Variants in TP73 observed in about 807,000 individuals in gnomAD.
The protein encoded by TP73 is p53-like transcription factor.
In TP73, 25 loss-of-function variants were observed where a neutral mutation model predicts 62.5. That is an observed-to-expected ratio of 0.40 (90% CI 0.29 to 0.56). The LOEUF (loss-of-function observed/expected upper bound fraction) is 0.56. TP73 is among the 20% of genes least tolerant of loss of function. TP73 has a pLI of 0.46. For missense variants in TP73, 754 were observed against 913.3 expected, an observed-to-expected ratio of 0.83 and a Z score of 2.25; for synonymous variants, 423 against 377.5, an observed-to-expected ratio of 1.12 and a Z score of -1.40.
rs1034288895 is a variant in TP73 at position 3,662,554 on chromosome 1, G to T, written c.-34+9913G>T. On this transcript the variant is annotated intron_variant, in intron 1 of 13. Coordinates refer to ENST00000378295, the MANE Select transcript of TP73 (RefSeq NM_005427.4). The surrounding 1 kb of genome is among the most constrained non-coding windows in gnomAD (Gnocchi z 4.4). ...GGAGCCGCTCTCCTCCCGGCATAGA[G>T]ACCTTTACGAATGGAAATGTCTTTC... is the stretch of plus-strand genomic sequence containing the variant. 6.6e-6 allele frequency among the ~76,000 whole-genome samples: 1 copy of T among 152,236 alleles called. No individual in the cohort carries two copies. Among genetic ancestry groups the T allele is most frequent in the Non-Finnish European group, 1.5e-5 (1 of 68,038 alleles).
rs995148620 is a variant in TP73, at chr1:3,699,773, G to A, written c.187-7776G>A. 1.3e-5 allele frequency among the ~76,000 whole-genome samples: 2 copies of A among 152,182 alleles called. No individual in the cohort carries two copies. The highest frequency in any genetic ancestry group is 2.4e-5 in the African/African-American group (1 of 41,444). On this transcript the variant is annotated intron_variant, in intron 3 of 13. Transcript: ENST00000378295. The surrounding 1 kb of genome is among the most constrained non-coding windows in gnomAD (Gnocchi z 4.1). Reference sequence around the variant, plus strand: ...GAGCTGGAGAGGTGACAGGAGCGAGGGAGGCGGAGGTGGAGCTGGGGAGGG... The same window carrying A: ...GAGCTGGAGAGGTGACAGGAGCGAGAGAGGCGGAGGTGGAGCTGGGGAGGG...
intron 6 of TP73, among the ~76,000 whole-genome samples, chr1:3,726,861 GATGGA>G: frequency 7.3e-6 from 1 of 137,476 alleles, no homozygotes; most frequent in African/African-American, 2.6e-5. Flanking sequence ...GGGGTTGGTG[GATGGA>G]TGGATGGATG....
rs1249893285 is a variant in TP73, at chr1:3,670,140, T to C, written c.-33-12193T>C. 6.6e-6 allele frequency among the ~76,000 whole-genome samples: 1 copy of C among 151,982 alleles called. No homozygotes were observed. Among genetic ancestry groups the C allele is most frequent in the Non-Finnish European group, 1.5e-5 (1 of 68,000 alleles). On this transcript the variant is annotated intron_variant, in intron 1 of 13. Transcript: ENST00000378295. The surrounding 1 kb of genome is among the most constrained non-coding windows in gnomAD (Gnocchi z 5.9). The stretch of plus-strand genomic sequence containing the variant: ...CTCTTCCTGGCTTGCTGTGTCGCTC[T>C]GGGTGCGTTTTACACCACTCTGAGG...
At chr1:3,718,656 G>A (rs1434008258) in intron 4 of TP73, among the ~76,000 whole-genome samples, 1 of 152,154 alleles carries the variant, frequency 6.6e-6, no homozygotes, top group African/African-American at 2.4e-5. Flanking sequence ...CGGGGCCTCT[G>A]CCCGCAGGCT....
rs1570495907 is a variant in TP73, at chr1:3,698,031, C to G, written c.187-9518C>G. 5.1e-6 allele frequency: 5 copies of G among 976,422 alleles called. No homozygotes were observed. In the South Asian group the frequency reaches 2.4e-4, roughly 46 times the overall value. The allele number at this position is 976,422 out of a possible 1,614,324, so 60.5% of individuals were successfully genotyped here. The stretch of plus-strand genomic sequence containing the variant: ...CAAGTTCTCGGCTCAGCCACCCATT[C>G]TCGGCTCAGCCACTAATGTGTGCTG... On this transcript the variant is annotated intron_variant, in intron 3 of 13. Transcript: ENST00000378295.
intron 3 of TP73, 30 bp from the exon 4 acceptor site, chr1:3,707,519 C>A (rs781610313): frequency 3.1e-6 from 5 of 1,589,898 alleles, no homozygotes; most frequent in Non-Finnish European, 4.3e-6. Context: ...GTGTGTGTTT[C>A]CCCCTCCCTC....
intron 1 of TP73, among the ~76,000 whole-genome samples, chr1:3,657,754 C>T (rs1291459673): frequency 3.3e-5 from 5 of 152,114 alleles, no homozygotes; most frequent in Non-Finnish European, 5.9e-5. Flanking sequence ...TGGGCACAGC[C>T]GGGGATGGGC....
chr1:3,721,154 G>A (rs570056133), intron 4 of TP73, among the ~76,000 whole-genome samples: 11 of 152,236 alleles, frequency 7.2e-5, no homozygotes, highest in Non-Finnish European at 1.5e-4. Context: ...CCTCAGCGGG[G>A]TCACTTTTAG....
At chr1:3,731,104 C>T (rs188842181) in intron 12 of TP73, 39 bp downstream of exon 12, 1 of 1,595,524 alleles carries the variant, frequency 6.3e-7, no homozygotes, top group South Asian at 1.1e-5. Context: ...GTGCTGTCAC[C>T]CTGTCTGTTC....
chr1:3,697,988 A>G (rs1638821014), intron 3 of TP73: 1 of 689,750 alleles, frequency 1.4e-6, no homozygotes, highest in African/African-American at 1.9e-5. Flanking sequence ...TGTACCCTGC[A>G]CTGCACGTGT....
At position 3,731,077 on chromosome 1, in the gene TP73, GC is replaced by G. The variant is rs1642103682; in HGVS notation, c.1484+14del. The G allele has an allele frequency of 1.2e-6, 2 of 1,608,340 alleles. No homozygotes were observed. Among genetic ancestry groups the G allele is most frequent in the South Asian group, 2.2e-5 (2 of 90,776 alleles). On this transcript the variant is annotated intron_variant, in intron 12 of 13. Transcript: ENST00000378295. Reference sequence around the variant, plus strand: ...CCCAGCCTCGTCAGGTGCGTGGGCTGCCGAGGGCCTGAGCATGTGCTGTCAC... The same window carrying G: ...CCCAGCCTCGTCAGGTGCGTGGGCTGCGAGGGCCTGAGCATGTGCTGTCAC...
At position 3,666,679 on chromosome 1, in the gene TP73, G is replaced by GT. The variant is rs1233380338; in HGVS notation, c.-34+14039dup. Among the ~76,000 whole-genome samples, 12 of 152,126 alleles carry GT rather than the reference G, an allele frequency of 7.9e-5. No homozygotes were observed. Among genetic ancestry groups the GT allele is most frequent in the Non-Finnish European group, 1.2e-4 (8 of 68,026 alleles). On this transcript the variant is annotated intron_variant, in intron 1 of 13. Coordinates refer to ENST00000378295, the MANE Select transcript of TP73 (RefSeq NM_005427.4). This position sits in a 1 kb window ranked among gnomAD's most constrained non-coding sequence, Gnocchi z 6.4. ...TTGACCTCAAAGAGGCCTGTCCTGT[G>GT]TGTCTCACTGAGCAGGAACAAACCG...
chr1:3,705,913 C>T lies in TP73; in HGVS notation c.187-1636C>T, dbSNP rs74819158. Among the ~76,000 whole-genome samples the T allele has an allele frequency of 3.3e-3, 509 of 152,340 alleles. 20 individuals carry two copies. In the East Asian group the frequency reaches 0.066, roughly 20 times the overall value. ...AGCCGAGGGCCTCTGGGTCACTAAA[C>T]CCAACCACCTCTGATGGAGAAGGCT... On this transcript the variant is annotated intron_variant, in intron 3 of 13. Coordinates refer to ENST00000378295, the MANE Select transcript of TP73 (RefSeq NM_005427.4).
In TP73 at chr1:3,696,600, G is replaced by A. The variant is rs1448756238; in HGVS notation, c.187-10949G>A. On this transcript the variant is annotated intron_variant, in intron 3 of 13. Transcript: ENST00000378295. This position sits in a 1 kb window ranked among gnomAD's most constrained non-coding sequence, Gnocchi z 4.1. ...GGGAGGCCAGGAGGCACGAGAGGCT[G>A]GCTGGGAGAACAGAAAAGGGACTGG... 6.6e-6 allele frequency among the ~76,000 whole-genome samples: 1 copy of A among 151,866 alleles called. No homozygotes were observed. Among genetic ancestry groups the A allele is most frequent in the African/African-American group, 2.4e-5 (1 of 41,294 alleles).
intron 1 of TP73, among the ~76,000 whole-genome samples, chr1:3,681,864 A>T (rs553846358): frequency 9.2e-6 from 1 of 108,982 alleles, no homozygotes; most frequent in Admixed American, 1.0e-4. Flanking sequence ...GTAACAGACC[A>T]CAGGCCTCAC....
chr1:3,681,274 CTGTCCCAT>C (rs1280336001), intron 1 of TP73, among the ~76,000 whole-genome samples: 1 of 152,214 alleles, frequency 6.6e-6, no homozygotes, highest in African/African-American at 2.4e-5. Flanking sequence ...GTGGCCAAGC[CTGTCCCAT>C]AGCACCTCAC....
chr1:3,705,677 G>A (rs554356163), intron 3 of TP73, among the ~76,000 whole-genome samples: 2 of 152,380 alleles, frequency 1.3e-5, no homozygotes, highest in East Asian at 3.9e-4. Context: ...GATGGCTCTG[G>A]TGAGCAGCAG....
At chr1:3,698,344 G>A (rs1033984428) in intron 3 of TP73, among the ~76,000 whole-genome samples, 1 of 152,222 alleles carries the variant, frequency 6.6e-6, no homozygotes, top group African/African-American at 2.4e-5. Context: ...GGACCAGCCC[G>A]TTTCCAGGTG....
intron 3 of TP73, among the ~76,000 whole-genome samples, chr1:3,704,172 T>A (rs1461063955): frequency 6.6e-6 from 1 of 152,218 alleles, no homozygotes; most frequent in Non-Finnish European, 1.5e-5. Context: ...CTCCGAGCCG[T>A]GTGTGTAATT....
Sources: allele counts gnomAD v4.1 joint callset (sites outside exome capture counted in the v4.1 genomes callset), GRCh38; gene constraint gnomAD v4.1.1; non-coding constraint Gnocchi (gnomAD v3.1); transcripts MANE v1.5; gene names NCBI Gene and HGNC (gene_info 2026-07-23, HGNC 2026-07-21).